The following NGEF variants were observed in gnomAD, a reference collection of about 807,000 sequenced individuals.
The protein encoded by NGEF is neuronal guanine nucleotide exchange factor.
In NGEF, 31 loss-of-function variants were observed where a neutral mutation model predicts 80.9. The ratio of observed to expected loss-of-function variants is 0.38; its 90% CI spans 0.29 to 0.52. The LOEUF is 0.52. Among genes scored for constraint, NGEF ranks in the 20% least tolerant of loss-of-function variants. The pLI is 0.84. For missense variants in NGEF, 709 were observed against 926.2 expected (o/e 0.77, Z 3.04); for synonymous variants, 371 against 370.2 (o/e 1.00, Z -0.03).
rs772478113 is a variant in NGEF, at chr2:232,883,995, G to A, written c.1587C>T (p.Cys529=). 3 of 1,611,596 alleles carry A rather than the reference G, an allele frequency of 1.9e-6. No individual in the cohort carries two copies. Among genetic ancestry groups the A allele is most frequent in the Non-Finnish European group, 2.5e-6 (3 of 1,178,958 alleles). Residue 529 remains cysteine, a synonymous_variant, in exon 11 of 15, where the codon TGC becomes TGT. Coordinates refer to ENST00000264051, the MANE Select transcript of NGEF (RefSeq NM_019850.3). ...LFLFNDLLVI[C]RQIPGDKYQV... ...CCCCGACTCACCCTGGAATCTGCCG[G>A]CAGATCACCAGCAGGTCGTTGAACA... is the stretch of plus-strand genomic sequence containing the variant.
chr2:232,953,310 A>AAG, intron 3 of NGEF, among the ~76,000 whole-genome samples: 1 of 150,348 alleles, frequency 6.7e-6, no homozygotes, highest in Non-Finnish European at 1.5e-5. Flanking sequence ...TCAAAAAAAA[A>AAG]AAAAAAAAAA....
chr2:232,980,116 G>A (rs192240214), intron 1 of NGEF, among the ~76,000 whole-genome samples: 6 of 152,296 alleles, frequency 3.9e-5, no homozygotes, highest in African/African-American at 1.4e-4. Context: ...AGTCAGGCCT[G>A]GAAGGATCAG....
intron 5 of NGEF, among the ~76,000 whole-genome samples, chr2:232,895,362 A>G (rs1293315194): frequency 1.3e-5 from 2 of 152,070 alleles, no homozygotes; most frequent in Non-Finnish European, 2.9e-5. Context: ...CCCTGTCTCT[A>G]CTAAAAATAC....
chr2:232,916,570 T>C (rs761983931), intron 5 of NGEF, among the ~76,000 whole-genome samples: 3 of 152,104 alleles, frequency 2.0e-5, no homozygotes, highest in Admixed American at 1.3e-4. Context: ...CAGGCATTGA[T>C]AGATAAAGCA....
At chr2:232,993,173 T>TAA (rs1559238341) in intron 1 of NGEF, among the ~76,000 whole-genome samples, 7 of 134,036 alleles carry the variant, frequency 5.2e-5, no homozygotes, top group African/African-American at 2.0e-4. Context: ...ATATTATATA[T>TAA]ATAAATAAAT....
intron 5 of NGEF, among the ~76,000 whole-genome samples, chr2:232,905,236 C>T (rs1036195474): frequency 1.2e-4 from 19 of 152,322 alleles, no homozygotes; most frequent in African/African-American, 2.4e-4. Flanking sequence ...CGAGTGCCTG[C>T]GATTGCAGGC....
chr2:233,012,454 C>A (rs1299400552), intron 1 of NGEF, among the ~76,000 whole-genome samples: 3 of 152,176 alleles, frequency 2.0e-5, no homozygotes, highest in Non-Finnish European at 4.4e-5. Context: ...TGAAAGGGGC[C>A]CCTGAGCGGA....
Position 232,939,831 on chromosome 2 carries a change from C to T in NGEF, c.384-12645G>A, listed in dbSNP as rs986370688. ...TGGGCAACACGGTGAAACCCCATTT[C>T]TATTAAAAATACAAAATTAGCTGGG... On this transcript the variant is annotated intron_variant, in intron 3 of 14. Coordinates refer to ENST00000264051, the MANE Select transcript of NGEF (RefSeq NM_019850.3). Among the ~76,000 whole-genome samples the T allele has an allele frequency of 9.9e-5, 15 of 152,022 alleles. No homozygotes were observed. In the East Asian group the frequency reaches 2.7e-3, roughly 27 times the overall value.
At chr2:232,982,074 C>A (rs1026960928) in intron 1 of NGEF, among the ~76,000 whole-genome samples, 1 of 152,162 alleles carries the variant, frequency 6.6e-6, no homozygotes, top group Non-Finnish European at 1.5e-5. Context: ...GTGACTGGGA[C>A]TGGGGGAGCT....
At chr2:233,002,338 T>C in intron 1 of NGEF, among the ~76,000 whole-genome samples, 1 of 152,100 alleles carries the variant, frequency 6.6e-6, no homozygotes, top group East Asian at 1.9e-4. Context: ...TTAAAGGCAA[T>C]CTGTAGAAAA....
intron 1 of NGEF, among the ~76,000 whole-genome samples, chr2:232,975,291 C>T (rs111695619): frequency 9.9e-5 from 15 of 152,152 alleles, no homozygotes; most frequent in African/African-American, 3.6e-4. Flanking sequence ...GAGGGAATTC[C>T]AGGAAAGCAT....
chr2:232,994,645 G>A (rs910434518), intron 1 of NGEF, among the ~76,000 whole-genome samples: 28 of 152,098 alleles, frequency 1.8e-4, no homozygotes, highest in African/African-American at 4.8e-4. Context: ...TGTCATCCCC[G>A]TTCGGCCCTT....
chr2:232,939,818 T>G (rs923088135), intron 3 of NGEF, among the ~76,000 whole-genome samples: 1 of 151,942 alleles, frequency 6.6e-6, no homozygotes, highest in Non-Finnish European at 1.5e-5. Flanking sequence ...GGCAACACGG[T>G]GAAACCCCAT....
chr2:232,961,908 A>G (rs1168856196), intron 3 of NGEF, among the ~76,000 whole-genome samples: 1 of 152,244 alleles, frequency 6.6e-6, no homozygotes, highest in East Asian at 1.9e-4. Flanking sequence ...AGGACAACAG[A>G]GCAGTCCGCA....
chr2:232,924,155 T>C (rs1693008512), intron 4 of NGEF, among the ~76,000 whole-genome samples: 1 of 152,112 alleles, frequency 6.6e-6, no homozygotes, highest in Non-Finnish European at 1.5e-5. Context: ...GAGAATCACT[T>C]GAACCCGGGA....
intron 14 of NGEF, 21 bp downstream of exon 14, chr2:232,881,125 G>A (rs371146744): frequency 2.7e-5 from 43 of 1,606,950 alleles, no homozygotes; most frequent in Non-Finnish European, 3.5e-5. Flanking sequence ...GGGGCCCCGA[G>A]GGGAGGTCCC....
chr2:232,996,006 T>C (rs944331143), intron 1 of NGEF, among the ~76,000 whole-genome samples: 2 of 151,794 alleles, frequency 1.3e-5, no homozygotes, highest in African/African-American at 4.8e-5. Context: ...TTAAGAAATT[T>C]GTATTACAAA....
At chr2:232,883,099 G>A (rs1342911129) in intron 12 of NGEF, among the ~76,000 whole-genome samples, 5 of 151,600 alleles carry the variant, frequency 3.3e-5, no homozygotes, top group African/African-American at 9.7e-5. Flanking sequence ...ACGCACACAC[G>A]TACACGCGTA....
At chr2:232,977,629 G>A (rs983790323) in intron 1 of NGEF, among the ~76,000 whole-genome samples, 1 of 152,202 alleles carries the variant, frequency 6.6e-6, no homozygotes, top group South Asian at 2.1e-4. Context: ...GGTCCCGTGG[G>A]GTGGGAGTGG....
Sources: allele counts gnomAD v4.1 joint callset (sites outside exome capture counted in the v4.1 genomes callset), GRCh38; gene constraint gnomAD v4.1.1; transcripts MANE v1.5; gene names NCBI Gene and HGNC (gene_info 2026-07-23, HGNC 2026-07-21).